CD164: variants seen among roughly 807,000 people sequenced by gnomAD.
The protein encoded by CD164 is CD164 molecule.
In CD164, 11 loss-of-function variants were observed where a neutral mutation model predicts 24.6. The observed-to-expected ratio is 0.45, with a 90% CI of 0.28 to 0.74. The LOEUF is 0.74. Ranked by LOEUF, CD164 falls within the 30% of genes least tolerant of loss-of-function variation. CD164 has a pLI of 0.13. For synonymous variants in CD164, 126 were observed against 100.3 expected (o/e 1.26, Z -1.53); for missense variants, 295 against 243.7 (o/e 1.21, Z -1.40).
At chr6:109,372,480 T>C (rs961501771) in intron 4 of CD164, 3 of 152,224 alleles carry the variant, frequency 2.0e-5, no homozygotes, top group African/African-American at 7.2e-5. Context: ...TAATAGGTGA[T>C]ATACAAATAA....
Position 109,368,209 on chromosome 6 carries a change from A to T in CD164, c.*642T>A, listed in dbSNP as rs967254016. ...ACTGTCTTCTAAGGCACTGTTCTTT[A>T]TATTCTCAATGACATAAGATGCTTT... On this transcript the variant is annotated 3_prime_UTR_variant, in exon 6 of 6. Transcript: ENST00000310786. The T allele has an allele frequency of 3.1e-5, 43 of 1,387,568 alleles. No individual in the cohort carries two copies. The highest frequency in any genetic ancestry group is 4.1e-5 in the Non-Finnish European group (42 of 1,023,100). The allele number at this position is 1,387,568 out of a possible 1,614,324, so 86.0% of individuals were successfully genotyped here.
chr6:109,377,850 T>C, intron 3 of CD164, 50 bp downstream of exon 3: 1 of 1,352,750 alleles, frequency 7.4e-7, no homozygotes, highest in South Asian at 1.2e-5. Flanking sequence ...GGCAATGATC[T>C]TCCTCACCTC....
rs113902228 is a variant in CD164, at chr6:109,382,248, G to A, written c.131C>T (p.Ser44Leu). The A allele has an allele frequency of 3.5e-4, 548 of 1,587,466 alleles. 4 individuals are homozygous for A. The African/African-American group carries it at 6.2e-3, about 18-fold the overall frequency. ...CAGCGGGAGGGACGTCACCGGCGCC[G>A]AGGTTACGTTGGAGATGGGCGCTAA... ...TTLAPISNVT[S>L]APVTSLPLVT... is the part of the protein sequence containing the mutation. The change falls in exon 1 of 6, where the codon TCG becomes TTG. Residue 44 changes from serine to leucine, a missense_variant. By Grantham distance (145) the Ser-to-Leu change is moderately radical (BLOSUM62 -2). Coordinates refer to ENST00000310786, the MANE Select transcript of CD164 (RefSeq NM_006016.6).
Position 109,382,449 on chromosome 6 carries a change from C to G in CD164, c.-71G>C. ...GCTCAGTCAACCCCTCAATCCCCTGCGGCGCCGCCTCCGAGACTACGCTCC... is the reference window on the plus strand; with the variant it reads ...GCTCAGTCAACCCCTCAATCCCCTGGGGCGCCGCCTCCGAGACTACGCTCC... On this transcript the variant is annotated 5_prime_UTR_variant, in exon 1 of 6. Transcript: ENST00000310786. The G allele has an allele frequency of 2.2e-6, 3 of 1,350,672 alleles. No individual in the cohort carries two copies. In the South Asian group the frequency reaches 4.8e-5, roughly 22 times the overall value. 83.7% of individuals were successfully genotyped at this position (1,350,672 alleles called of 1,614,324 possible).
intron 2 of CD164, among the ~76,000 whole-genome samples, chr6:109,378,884 T>C (rs1463818697): frequency 1.2e-4 from 16 of 135,964 alleles, no homozygotes; most frequent in Non-Finnish European, 2.3e-4. Flanking sequence ...GGTTTGTTTT[T>C]ACTTAAAAAA....
chr6:109,376,980 T>A (rs186865285), intron 3 of CD164, among the ~76,000 whole-genome samples: 46 of 152,074 alleles, frequency 3.0e-4, no homozygotes, highest in African/African-American at 1.1e-3. Context: ...TACAAAAAAA[T>A]TTTTAAATTA....
At chr6:109,370,182 A>G (rs911881903) in intron 5 of CD164, among the ~76,000 whole-genome samples, 1 of 152,232 alleles carries the variant, frequency 6.6e-6, no homozygotes, top group Non-Finnish European at 1.5e-5. Flanking sequence ...ACTTAATTCT[A>G]AAGTGTCACG....
At chr6:109,379,888 G>A (rs1246744660) in intron 1 of CD164, 2 of 427,138 alleles carry the variant, frequency 4.7e-6, no homozygotes, top group Non-Finnish European at 8.4e-6. Context: ...TCAGTACAGT[G>A]CCTGATGGTA....
chr6:109,375,617 C>CAAAAA (rs58138405), intron 4 of CD164, among the ~76,000 whole-genome samples: 20 of 71,380 alleles, frequency 2.8e-4, no homozygotes, highest in Admixed American at 6.6e-4. Context: ...ACTTCGCTTC[C>CAAAAA]AAAAAAAAAA....
chr6:109,382,211 C>T lies in CD164; in HGVS notation c.168G>A (p.Pro56=), dbSNP rs1192435598. ...PVTSLPLVTT[P]APETCEGRNS... is the part of the protein sequence containing the mutation. ...CACAGGGCCCGCGCCCACCTGGTGC[C>T]GGAGTGGTGACCAGCGGGAGGGACG... is the stretch of plus-strand genomic sequence containing the variant. Residue 56 remains proline, a synonymous_variant, in exon 1 of 6, where the codon CCG becomes CCA. Coordinates refer to ENST00000310786, the MANE Select transcript of CD164 (RefSeq NM_006016.6). 3 of 1,562,916 alleles carry T rather than the reference C, an allele frequency of 1.9e-6. No homozygotes were observed. The South Asian group carries it at 3.5e-5, about 18-fold the overall frequency.
At chr6:109,379,717 T>C (rs1453807579) in intron 1 of CD164, 55 bp from the exon 2 acceptor site, 69 of 1,313,518 alleles carry the variant, frequency 5.3e-5, no homozygotes, top group Non-Finnish European at 7.3e-5. Context: ...AGTATCTTAT[T>C]TGAATCTGTA....
chr6:109,382,372 G>C lies in CD164; in HGVS notation c.7C>G (p.Arg3Gly). 1 of 1,540,440 alleles carries C rather than the reference G, an allele frequency of 6.5e-7. No individual in the cohort carries two copies. Among genetic ancestry groups the C allele is most frequent in the Non-Finnish European group, 8.7e-7 (1 of 1,148,970 alleles). MS[R>G]LSRSLLWAAT... is the part of the protein sequence containing the mutation. ...GCCCAAAGCAGTGAGCGGGAGAGCCGCGACATCGTGTCCTCAGCGCTGGCG... is the reference window on the plus strand; with the variant it reads ...GCCCAAAGCAGTGAGCGGGAGAGCCCCGACATCGTGTCCTCAGCGCTGGCG... The change falls in exon 1 of 6, where the codon CGG (arginine) becomes GGG (glycine). Residue 3 changes from arginine (R) to glycine (G), a missense_variant. Coordinates refer to ENST00000310786, the MANE Select transcript of CD164 (RefSeq NM_006016.6).
Position 109,382,447 on chromosome 6 carries a change from T to G in CD164, c.-69A>C. On this transcript the variant is annotated 5_prime_UTR_variant, in exon 1 of 6. Transcript: ENST00000310786. ...ACGCTCAGTCAACCCCTCAATCCCC[T>G]GCGGCGCCGCCTCCGAGACTACGCT... 2 of 1,354,070 alleles carry G rather than the reference T, an allele frequency of 1.5e-6. No homozygotes were observed. The highest frequency in any genetic ancestry group is 2.8e-5 in the Admixed American group (1 of 35,192). The allele number at this position is 1,354,070 out of a possible 1,614,324, so 83.9% of individuals were successfully genotyped here.
At chr6:109,372,869 C>T (rs776611527) in intron 4 of CD164, 6 of 152,072 alleles carry the variant, frequency 3.9e-5, no homozygotes, top group Non-Finnish European at 5.9e-5. Flanking sequence ...CATTACCCAG[C>T]CTCAGAACAA....
intron 5 of CD164, among the ~76,000 whole-genome samples, chr6:109,370,031 A>G (rs1329361135): frequency 6.6e-6 from 1 of 152,230 alleles, no homozygotes; most frequent in African/African-American, 2.4e-5. Flanking sequence ...GACCTTTCTC[A>G]GTGAAAAGGA....
At position 109,382,383 on chromosome 6, in the gene CD164, T is replaced by C; in HGVS notation, c.-5A>G. 1.3e-6 allele frequency: 2 copies of C among 1,526,768 alleles called. No homozygotes were observed. The highest frequency in any genetic ancestry group is 1.8e-6 in the Non-Finnish European group (2 of 1,140,938). 94.6% of individuals were successfully genotyped at this position (1,526,768 alleles called of 1,614,324 possible). A position where few individuals can be genotyped will look rare whatever the true frequency, so the allele number is the denominator to read the frequency against. ...TGAGCGGGAGAGCCGCGACATCGTG[T>C]CCTCAGCGCTGGCGTTCGGGAGAAA... On this transcript the variant is annotated 5_prime_UTR_variant, in exon 1 of 6. Transcript: ENST00000310786.
chr6:109,373,029 A>G (rs1771174240), intron 4 of CD164, among the ~76,000 whole-genome samples: 1 of 152,104 alleles, frequency 6.6e-6, no homozygotes, highest in Non-Finnish European at 1.5e-5. Flanking sequence ...AAAAAAAAAG[A>G]TTCATTAGGA....
chr6:109,381,543 G>A lies in CD164; in HGVS notation c.175+661C>T, dbSNP rs1004449766. On this transcript the variant is annotated intron_variant, in intron 1 of 5. Transcript: ENST00000310786. ...TTAGGATACGTACGCAAAACACCCG[G>A]TACATACATGGGTACTTTTCTTCCT... 3 of 702,420 alleles carry A rather than the reference G, an allele frequency of 4.3e-6. No individual in the cohort carries two copies. In the African/African-American group the frequency reaches 5.2e-5, roughly 12 times the overall value. The allele number at this position is 702,420 out of a possible 1,614,324, so 43.5% of individuals were successfully genotyped here. A position where few individuals can be genotyped will look rare whatever the true frequency, so the allele number is the denominator to read the frequency against.
chr6:109,380,150 G>A (rs1394425910), intron 1 of CD164: 1 of 152,266 alleles, frequency 6.6e-6, no homozygotes, highest in East Asian at 1.9e-4. Context: ...TGCAAACAAA[G>A]ATAATTTCCC....
Sources: allele counts gnomAD v4.1 joint callset (sites outside exome capture counted in the v4.1 genomes callset), GRCh38; gene constraint gnomAD v4.1.1; transcripts MANE v1.5; gene names NCBI Gene and HGNC (gene_info 2026-07-23, HGNC 2026-07-21).